Variants in TNRC18 observed in about 807,000 individuals in gnomAD.
The protein encoded by TNRC18 is trinucleotide repeat-containing gene 18 protein.
Under a neutral mutation model 226.7 loss-of-function variants are expected in TNRC18, and 69 were observed. That is an observed-to-expected ratio of 0.30 (90% confidence interval 0.25 to 0.37). The LOEUF (loss-of-function observed/expected upper bound fraction) is 0.37. TNRC18 is among the 10% of genes least tolerant of loss of function. The pLI is 1.00. For synonymous variants in TNRC18, 2,449 were observed against 1,927.6 expected, an observed-to-expected ratio of 1.27 and a Z score of -7.09; for missense variants, 4,754 against 4,256.6, an observed-to-expected ratio of 1.12 and a Z score of -3.25.
Position 5,316,054 on chromosome 7 carries a change from T to C in TNRC18, c.6764A>G (p.Asp2255Gly), listed in dbSNP as rs778988559. ...TVVRGLLDLE[D>G]DGDLITVEFD... ...CTCCACGGTGATCAAGTCCCCATCGTCCTCCAGGTCCAGTAACCCTGTGGG... is the reference window on the plus strand; with the variant it reads ...CTCCACGGTGATCAAGTCCCCATCGCCCTCCAGGTCCAGTAACCCTGTGGG... Residue 2255 changes from aspartate to glycine, a missense_variant, in exon 25 of 30, where the codon GAC becomes GGC. Physicochemically the swap from Asp to Gly is moderately conservative, Grantham distance 94. Coordinates refer to ENST00000430969, the MANE Select transcript of TNRC18 (RefSeq NM_001080495.3). 7 of 1,610,826 alleles carry C rather than the reference T, an allele frequency of 4.3e-6. No homozygotes were observed. In the Admixed American group the frequency reaches 1.0e-4, roughly 23 times the overall value.
intron 18 of TNRC18, among the ~76,000 whole-genome samples, chr7:5,342,970 A>G (rs1439865987): frequency 6.6e-6 from 1 of 152,206 alleles, no homozygotes; most frequent in African/African-American, 2.4e-5. Context: ...ACCATCAGCA[A>G]AAAGTTTACA....
intron 2 of TNRC18, among the ~76,000 whole-genome samples, chr7:5,410,624 G>A (rs1781777063): frequency 6.6e-6 from 1 of 151,908 alleles, no homozygotes; most frequent in African/African-American, 2.4e-5. Flanking sequence ...TCAGCACTCT[G>A]GGAGACCGAG....
At chr7:5,378,183 C>T (rs139784060) in intron 5 of TNRC18, among the ~76,000 whole-genome samples, 159 bp from the exon 6 acceptor site, 2,153 of 152,204 alleles carry the variant, frequency 0.014, 31 homozygotes, top group Non-Finnish European at 0.023. Context: ...TTCCTTATGA[C>T]GCATCAAGCT....
At chr7:5,331,688 G>C (rs951911229) in intron 19 of TNRC18, among the ~76,000 whole-genome samples, 1 of 152,208 alleles carries the variant, frequency 6.6e-6, no homozygotes, top group African/African-American at 2.4e-5. Flanking sequence ...TTGAGAGGCT[G>C]AGGCAGGAGA....
intron 1 of TNRC18, among the ~76,000 whole-genome samples, chr7:5,422,364 A>T (rs1782636463): frequency 7.5e-6 from 1 of 134,048 alleles, no homozygotes; most frequent in South Asian, 2.6e-4. Flanking sequence ...ATAACCTACA[A>T]AGAAAGCCTT....
At chr7:5,316,107 G>T in intron 24 of TNRC18, 35 bp from the exon 25 acceptor site, 1 of 1,546,684 alleles carries the variant, frequency 6.5e-7, no homozygotes, top group Non-Finnish European at 8.9e-7. Flanking sequence ...GGAGGCCCTC[G>T]GACCTCCAGC....
intron 3 of TNRC18, among the ~76,000 whole-genome samples, chr7:5,393,137 A>G (rs1562608298): frequency 6.6e-6 from 1 of 152,244 alleles, no homozygotes; most frequent in Admixed American, 6.5e-5. Context: ...TTTGTTGGCC[A>G]AAGAGAAAAG....
chr7:5,306,914 C>T lies in TNRC18; in HGVS notation c.*1192G>A, dbSNP rs1786572550. The T allele has an allele frequency of 6.6e-6, 1 of 151,462 alleles. No individual in the cohort carries two copies. Among genetic ancestry groups the T allele is most frequent in the East Asian group, 1.9e-4 (1 of 5,166 alleles). 9.4% of individuals were successfully genotyped at this position (151,462 alleles called of 1,614,324 possible). A position where few individuals can be genotyped will look rare whatever the true frequency, so the allele number is the denominator to read the frequency against. On this transcript the variant is annotated 3_prime_UTR_variant, in exon 30 of 30. Coordinates refer to ENST00000430969, the MANE Select transcript of TNRC18 (RefSeq NM_001080495.3). ...CCAATAATTCCCCCAAAAAACAAAC[C>T]CAAAGTCTGGCTTTTCCTTCCCTCA...
intron 27 of TNRC18, among the ~76,000 whole-genome samples, chr7:5,310,940 GCA>G (rs1380599358): frequency 6.6e-6 from 1 of 151,790 alleles, no homozygotes; most frequent in Non-Finnish European, 1.5e-5. Flanking sequence ...GTTCGTGTGT[GCA>G]CGTGTTTGTG....
In TNRC18 at chr7:5,377,136, T is replaced by G. The variant is rs1779038603; in HGVS notation, c.2462-143A>C. 2 of 1,318,698 alleles carry G rather than the reference T, an allele frequency of 1.5e-6. No individual in the cohort carries two copies. The highest frequency in any genetic ancestry group is 2.1e-6 in the Non-Finnish European group (2 of 974,474). 81.7% of individuals were successfully genotyped at this position (1,318,698 alleles called of 1,614,324 possible). On this transcript the variant is annotated intron_variant, in intron 7 of 29. Transcript: ENST00000430969. The surrounding 1 kb of genome is among the most constrained non-coding windows in gnomAD (Gnocchi z 5.8). ...GAAGCCAAGGGACAGGGGTGCTGGC[T>G]GGCTGCAAAGAGCACCCCAGAGCCA...
rs1004104740 is a variant in TNRC18 at position 5,361,518 on chromosome 7, C to A, written c.4661+76G>T. Reference sequence around the variant, plus strand: ...CGCGAGGTCCCCCAGCACCCCGAGGCAGGCCCTGCGTGGGGCCCGGGCTCC... The same window carrying A: ...CGCGAGGTCCCCCAGCACCCCGAGGAAGGCCCTGCGTGGGGCCCGGGCTCC... On this transcript the variant is annotated intron_variant, in intron 14 of 29. Coordinates refer to ENST00000430969, the MANE Select transcript of TNRC18 (RefSeq NM_001080495.3). 16 of 1,415,366 alleles carry A rather than the reference C, an allele frequency of 1.1e-5. No homozygotes were observed. The African/African-American group carries it at 2.4e-4, about 21-fold the overall frequency. The allele number at this position is 1,415,366 out of a possible 1,614,324, so 87.7% of individuals were successfully genotyped here. A position where few individuals can be genotyped will look rare whatever the true frequency, so the allele number is the denominator to read the frequency against.
chr7:5,380,354 GA>G (rs1779313402), intron 5 of TNRC18, among the ~76,000 whole-genome samples: 1 of 152,256 alleles, frequency 6.6e-6, no homozygotes, highest in Non-Finnish European at 1.5e-5. Context: ...GCTGAGGCAG[GA>G]GGATGGCTTG....
At position 5,421,084 on chromosome 7, in the gene TNRC18, C is replaced by T. The variant is rs1351961531; in HGVS notation, c.163G>A (p.Gly55Ser). 13 of 1,492,692 alleles carry T rather than the reference C, an allele frequency of 8.7e-6. No homozygotes were observed. The highest frequency in any genetic ancestry group is 1.2e-5 in the Non-Finnish European group (13 of 1,111,646). The allele number at this position is 1,492,692 out of a possible 1,614,324, so 92.5% of individuals were successfully genotyped here. ...GPLPPGKYMA[G>S]LNLHPHPGEA... ...CCCGGGTGCGGATGGAGATTCAGGC[C>T]GGCCATGTACTTCCCGGGCGGCAGC... Residue 55 changes from glycine to serine, a missense_variant, in exon 2 of 30, where the codon GGC becomes AGC. By Grantham distance (56) the Gly-to-Ser change is moderately conservative. Coordinates refer to ENST00000430969, the MANE Select transcript of TNRC18 (RefSeq NM_001080495.3).
chr7:5,308,107 C>G lies in TNRC18; in HGVS notation c.8906G>C (p.Ter2969SerextTer136). The G allele has an allele frequency of 6.5e-7, 1 of 1,549,382 alleles. No individual in the cohort carries two copies. Among genetic ancestry groups the G allele is most frequent in the Non-Finnish European group, 8.7e-7 (1 of 1,146,808 alleles). Reference protein sequence around the residue: ...FSTDGVPVLC* With the variant: ...FSTDGVPVLCS ...GGTGGCCCGCAGGGCCCGGCGGGCT[C>G]AGCAGAGCACGGGCACGCCGTCCGT... The change falls in exon 30 of 30, where the codon TGA becomes TCA. Residue 2969 changes from the stop codon to serine, a stop_lost. Transcript: ENST00000430969.
intron 2 of TNRC18, among the ~76,000 whole-genome samples, chr7:5,401,932 T>C (rs1055547390): frequency 6.6e-6 from 1 of 151,936 alleles, no homozygotes; most frequent in African/African-American, 2.4e-5. Context: ...TCCCAGCACT[T>C]TGGGAGGCCG....
intron 16 of TNRC18, among the ~76,000 whole-genome samples, chr7:5,356,634 C>A (rs1056679003): frequency 5.9e-4 from 90 of 152,260 alleles, no homozygotes; most frequent in African/African-American, 2.0e-3. Context: ...AAGACAGGGC[C>A]GGCGGAGGTC....
At chr7:5,393,946 G>A (rs976576843) in intron 3 of TNRC18, among the ~76,000 whole-genome samples, 1 of 152,074 alleles carries the variant, frequency 6.6e-6, no homozygotes, top group Non-Finnish European at 1.5e-5. Flanking sequence ...GCCCTCAGGT[G>A]ATCTTCCCAC....
intron 18 of TNRC18, among the ~76,000 whole-genome samples, chr7:5,337,379 G>A (rs773425232): frequency 6.6e-6 from 1 of 152,086 alleles, no homozygotes; most frequent in Non-Finnish European, 1.5e-5. Flanking sequence ...AACTACTCGG[G>A]AGGCTGAGGC....
intron 5 of TNRC18, among the ~76,000 whole-genome samples, chr7:5,383,068 T>A (rs1454906708): frequency 7.0e-6 from 1 of 142,308 alleles, no homozygotes; most frequent in African/African-American, 3.0e-5. Context: ...ATGATTTATT[T>A]TTATTTTTAT....
Sources: allele counts gnomAD v4.1 joint callset (sites outside exome capture counted in the v4.1 genomes callset), GRCh38; gene constraint gnomAD v4.1.1; non-coding constraint Gnocchi (gnomAD v3.1); transcripts MANE v1.5; gene names NCBI Gene and HGNC (gene_info 2026-07-23, HGNC 2026-07-21).